Variants in LOC400499 observed in about 807,000 individuals in gnomAD.
chr16:11,404,187 G>A, the LOC400499 span, among the ~76,000 whole-genome samples: 7 of 152,240 alleles, frequency 4.6e-5, no homozygotes, highest in African/African-American at 1.7e-4. Context: ...GACCCTGCTT[G>A]CTCTCACAGC....
the LOC400499 span, among the ~76,000 whole-genome samples, chr16:11,500,086 T>C: frequency 6.6e-6 from 1 of 152,202 alleles, no homozygotes; most frequent in African/African-American, 2.4e-5. Flanking sequence ...TGTGTGTTTA[T>C]AAATATAATA....
chr16:11,385,189 C>T, the LOC400499 span: 4 of 1,231,494 alleles, frequency 3.2e-6, no homozygotes, highest in Non-Finnish European at 4.1e-6. Flanking sequence ...GTCCTACAGG[C>T]TGCCATGCCT....
the LOC400499 span, among the ~76,000 whole-genome samples, chr16:11,466,674 C>T: frequency 3.9e-5 from 6 of 152,156 alleles, no homozygotes; most frequent in Non-Finnish European, 4.4e-5. Context: ...TAGGCGTGAG[C>T]CACCGCACCT....
At chr16:11,399,532 G>A in the LOC400499 span, 2 of 398,630 alleles carry the variant, frequency 5.0e-6, no homozygotes, top group Non-Finnish European at 8.8e-6. Flanking sequence ...GCTGTTCAAC[G>A]AACACAGCTG....
At chr16:11,473,864 T>C in the LOC400499 span, among the ~76,000 whole-genome samples, 1 of 152,186 alleles carries the variant, frequency 6.6e-6, no homozygotes, top group East Asian at 1.9e-4. Flanking sequence ...GTTACCTAGA[T>C]AGCTAGCTAG....
chr16:11,459,408 G>A, the LOC400499 span, among the ~76,000 whole-genome samples: 2 of 151,886 alleles, frequency 1.3e-5, no homozygotes, highest in Non-Finnish European at 2.9e-5. Context: ...GTGTTAGCCA[G>A]GATGGTCTCG....
At chr16:11,451,829 G>C in the LOC400499 span, among the ~76,000 whole-genome samples, 1 of 152,210 alleles carries the variant, frequency 6.6e-6, no homozygotes. Context: ...CAAAGACACA[G>C]TGACGGGAAG....
the LOC400499 span, among the ~76,000 whole-genome samples, chr16:11,520,744 G>A: frequency 2.0e-5 from 3 of 151,602 alleles, no homozygotes; most frequent in Non-Finnish European, 4.4e-5. Context: ...GGCTCTGGGG[G>A]TTATATTTTG....
At chr16:11,405,454 G>C in the LOC400499 span, among the ~76,000 whole-genome samples, 7 of 152,206 alleles carry the variant, frequency 4.6e-5, no homozygotes, top group Non-Finnish European at 1.0e-4. Context: ...ATGGTCACAA[G>C]AGACATTCAA....
At chr16:11,407,556 C>T in the LOC400499 span, among the ~76,000 whole-genome samples, 1 of 152,224 alleles carries the variant, frequency 6.6e-6, no homozygotes, top group African/African-American at 2.4e-5. Flanking sequence ...GCAACTATCT[C>T]CTTCATGCCC....
the LOC400499 span, among the ~76,000 whole-genome samples, chr16:11,413,286 G>T: frequency 3.3e-5 from 5 of 152,168 alleles, no homozygotes; most frequent in African/African-American, 1.2e-4. Flanking sequence ...AGGGTATCCA[G>T]TCCACTCAGT....
chr16:11,488,312 A>G, the LOC400499 span, among the ~76,000 whole-genome samples: 2 of 152,294 alleles, frequency 1.3e-5, no homozygotes, highest in African/African-American at 4.8e-5. Flanking sequence ...TGAATGCCAT[A>G]AAATAACTGA....
the LOC400499 span, among the ~76,000 whole-genome samples, chr16:11,507,674 G>A: frequency 2.0e-5 from 3 of 152,244 alleles, no homozygotes; most frequent in African/African-American, 7.2e-5. Context: ...GCTCACGCCT[G>A]TAATCCCAAC....
chr16:11,408,971 TG>T, the LOC400499 span, among the ~76,000 whole-genome samples: 1 of 151,826 alleles, frequency 6.6e-6, no homozygotes, highest in Non-Finnish European at 1.5e-5. Flanking sequence ...TATAATAAAA[TG>T]TTGGGGGGCC....
At chr16:11,508,334 G>A in the LOC400499 span, among the ~76,000 whole-genome samples, 2 of 152,244 alleles carry the variant, frequency 1.3e-5, no homozygotes, top group South Asian at 4.1e-4. Context: ...ACAGCCAGGA[G>A]TTTCGGAGGA....
chr16:11,402,180 C>A, the LOC400499 span: 2 of 398,966 alleles, frequency 5.0e-6, no homozygotes, highest in African/African-American at 4.1e-5. Flanking sequence ...AGGACACACA[C>A]AAAGGGTAGG....
At chr16:11,448,941 G>A in the LOC400499 span, 57 of 1,490,478 alleles carry the variant, frequency 3.8e-5, no homozygotes, top group Non-Finnish European at 4.5e-5. Flanking sequence ...CCTGTAGGCC[G>A]CTGTTAGGTT....
At chr16:11,389,805 T>TCTAC in the LOC400499 span, among the ~76,000 whole-genome samples, 1 of 150,266 alleles carries the variant, frequency 6.7e-6, no homozygotes, top group Non-Finnish European at 1.5e-5. Flanking sequence ...CCAGCCCCGG[T>TCTAC]GTAGATGACT....
chr16:11,498,476 C>T, the LOC400499 span, among the ~76,000 whole-genome samples: 896 of 149,114 alleles, frequency 6.0e-3, 8 homozygotes, highest in African/African-American at 0.019. Context: ...AGCGAGACTC[C>T]GTCTCAAAAA....
Sources: gnomAD v4.1 joint callset for allele counts (sites outside exome capture counted in the v4.1 genomes callset) on GRCh38, gnomAD v4.1.1 for gene constraint, MANE v1.5 for transcripts.